ALCAM: variants seen among roughly 807,000 people sequenced by gnomAD.
The protein encoded by ALCAM is CD166 antigen.
In ALCAM, 30 loss-of-function variants were observed where a neutral mutation model predicts 70.9. The ratio of observed to expected loss-of-function variants is 0.42; its 90% CI spans 0.32 to 0.57. The LOEUF is 0.57. Ranked by LOEUF, ALCAM falls within the 20% of genes least tolerant of loss-of-function variation. The pLI is 0.11. For missense variants in ALCAM, 591 were observed against 695.1 expected (o/e 0.85, Z 1.68); for synonymous variants, 249 against 242.5 (o/e 1.03, Z -0.25).
chr3:105,448,951 T>C (rs552479959), intron 1 of ALCAM, among the ~76,000 whole-genome samples: 1 of 152,280 alleles, frequency 6.6e-6, no homozygotes, highest in East Asian at 1.9e-4. Flanking sequence ...TGAGTATAAA[T>C]GAACTGCTTT....
Position 105,396,151 on chromosome 3 carries a change from C to A in ALCAM, c.73+28670C>A, listed in dbSNP as rs528089978. Among the ~76,000 whole-genome samples, 59 of 152,114 alleles carry A rather than the reference C, an allele frequency of 3.9e-4. No individual in the cohort carries two copies. In the South Asian group the frequency reaches 0.012, roughly 32 times the overall value. On this transcript the variant is annotated intron_variant, in intron 1 of 15. Transcript: ENST00000306107. ...ATTAAATTAATATTTATTAGACACT[C>A]ATCATAAGCAAGTTATAACCGTGGT...
At chr3:105,428,173 A>G (rs780339027) in intron 1 of ALCAM, among the ~76,000 whole-genome samples, 1 of 151,986 alleles carries the variant, frequency 6.6e-6, no homozygotes, top group African/African-American at 2.4e-5. Context: ...AGTAAATATT[A>G]TCATGCAATT....
Position 105,367,349 on chromosome 3 carries a change from G to C in ALCAM, c.-60G>C. 4 of 1,584,506 alleles carry C rather than the reference G, an allele frequency of 2.5e-6. No individual in the cohort carries two copies. In the South Asian group the frequency reaches 4.4e-5, roughly 18 times the overall value. On this transcript the variant is annotated 5_prime_UTR_variant, in exon 1 of 16. Transcript: ENST00000306107. ...AGCGCGCGGGCACCGCGGGGCCCGG[G>C]ACGACGCCCCCTCCTGCGGCGTGGA...
chr3:105,557,358 C>G (rs1292751776), intron 14 of ALCAM, among the ~76,000 whole-genome samples: 1 of 152,106 alleles, frequency 6.6e-6, no homozygotes, highest in Non-Finnish European at 1.5e-5. Flanking sequence ...ATGCCAGAGT[C>G]TCCATCTAGT....
At chr3:105,504,739 T>C (rs945828657) in intron 1 of ALCAM, among the ~76,000 whole-genome samples, 6 of 152,150 alleles carry the variant, frequency 3.9e-5, no homozygotes, top group African/African-American at 1.4e-4. Context: ...GATGGGGGCA[T>C]GGCAGGCCAG....
At position 105,534,776 on chromosome 3, in the gene ALCAM, T is replaced by A; in HGVS notation, c.661T>A (p.Ser221Thr). Residue 221 changes from serine to threonine, a missense_variant, in exon 6 of 16, where the codon TCG becomes ACG. Around this residue, in one of 2 missense-constraint regions of ALCAM, gnomAD observed 427 missense variants for 450.4 expected, o/e 0.95. Coordinates refer to ENST00000306107, the MANE Select transcript of ALCAM (RefSeq NM_001627.4). ...KADIQMPFTC[S>T]VTYYGPSGQK... Reference sequence around the variant, plus strand: ...TGACATACAAATGCCATTCACCTGCTCGGTGACATATTATGGACCATCTGG... The same window carrying A: ...TGACATACAAATGCCATTCACCTGCACGGTGACATATTATGGACCATCTGG... 6.2e-7 allele frequency: 1 copy of A among 1,613,772 alleles called. No individual in the cohort carries two copies. Among genetic ancestry groups the A allele is most frequent in the Non-Finnish European group, 8.5e-7 (1 of 1,179,770 alleles).
intron 14 of ALCAM, among the ~76,000 whole-genome samples, chr3:105,555,621 AAAGAT>A (rs1940498390): frequency 6.6e-6 from 1 of 152,024 alleles, no homozygotes; most frequent in South Asian, 2.1e-4. Flanking sequence ...GTCATTGGAG[AAAGAT>A]AAGAGAAACA....
chr3:105,528,343 A>G (rs1038343703), intron 3 of ALCAM, among the ~76,000 whole-genome samples: 1 of 152,176 alleles, frequency 6.6e-6, no homozygotes, highest in Non-Finnish European at 1.5e-5. Context: ...GGGTATTAGA[A>G]CAAAAGGAGC....
chr3:105,486,269 A>G (rs1183606721), intron 1 of ALCAM, among the ~76,000 whole-genome samples: 2 of 152,150 alleles, frequency 1.3e-5, no homozygotes, highest in South Asian at 2.1e-4. Context: ...AGATACTTCT[A>G]AAGTGCAGCT....
intron 1 of ALCAM, among the ~76,000 whole-genome samples, chr3:105,491,954 C>A (rs988348348): frequency 6.6e-6 from 1 of 152,182 alleles, no homozygotes; most frequent in Non-Finnish European, 1.5e-5. Flanking sequence ...CGCCCCACTA[C>A]CCGGTACCAA....
chr3:105,473,563 A>G (rs1006134821), intron 1 of ALCAM, among the ~76,000 whole-genome samples: 7 of 151,646 alleles, frequency 4.6e-5, no homozygotes, highest in Non-Finnish European at 1.0e-4. Flanking sequence ...ACTGGTAAAC[A>G]TAGCTGGATA....
chr3:105,518,602 T>C (rs1576216386), intron 1 of ALCAM, among the ~76,000 whole-genome samples: 1 of 152,172 alleles, frequency 6.6e-6, no homozygotes, highest in African/African-American at 2.4e-5. Flanking sequence ...TACAGTCTTA[T>C]GCTTGGTTTG....
In ALCAM at chr3:105,552,502, A is replaced by G. The variant is rs776561053; in HGVS notation, c.1581A>G (p.Lys527=). The part of the protein sequence containing the change: ...ENREKVNDQA[K]LIVGIVVGLL... ...GAGAAAAGGTGAATGACCAGGCAAA[A>G]CTAATTGTGGGAATCGTTGTTGGTC... is the stretch of plus-strand genomic sequence containing the variant. The change falls in exon 14 of 16, where the codon AAA becomes AAG. Residue 527 remains lysine (K), a synonymous_variant. Coordinates refer to ENST00000306107, the MANE Select transcript of ALCAM (RefSeq NM_001627.4). 9 of 1,611,800 alleles carry G rather than the reference A, an allele frequency of 5.6e-6. No homozygotes were observed. Among genetic ancestry groups the G allele is most frequent in the Non-Finnish European group, 7.6e-6 (9 of 1,178,378 alleles).
intron 14 of ALCAM, among the ~76,000 whole-genome samples, chr3:105,555,851 G>T (rs544814729): frequency 2.6e-5 from 4 of 151,828 alleles, no homozygotes; most frequent in African/African-American, 9.6e-5. Context: ...TGACTTTTTT[G>T]CTGCTTTAAT....
chr3:105,409,328 ATG>A (rs1936328449), intron 1 of ALCAM, among the ~76,000 whole-genome samples: 1 of 87,712 alleles, frequency 1.1e-5, no homozygotes. Flanking sequence ...GATAAAGAAA[ATG>A]TGACATATAT....
intron 3 of ALCAM, among the ~76,000 whole-genome samples, chr3:105,529,510 A>T (rs1317559258): frequency 6.6e-6 from 1 of 152,190 alleles, no homozygotes; most frequent in Non-Finnish European, 1.5e-5. Context: ...TTCAAGATAC[A>T]TAGTTAATAT....
chr3:105,429,126 G>T (rs1031696114), intron 1 of ALCAM, among the ~76,000 whole-genome samples: 1 of 151,784 alleles, frequency 6.6e-6, no homozygotes, highest in African/African-American at 2.4e-5. Flanking sequence ...AATTCCATCT[G>T]CAAAAAATCT....
chr3:105,372,936 T>C (rs75133299), intron 1 of ALCAM, among the ~76,000 whole-genome samples: 2,311 of 152,246 alleles, frequency 0.015, 67 homozygotes, highest in African/African-American at 0.051. Flanking sequence ...ACTATGACCA[T>C]GGCAATTGCT....
intron 1 of ALCAM, among the ~76,000 whole-genome samples, chr3:105,413,082 A>G (rs376748957): frequency 2.0e-5 from 3 of 152,122 alleles, no homozygotes; most frequent in Non-Finnish European, 4.4e-5. Context: ...GTTCTAAACA[A>G]AAGTTCTACC....
Sources: allele counts gnomAD v4.1 joint callset (sites outside exome capture counted in the v4.1 genomes callset), GRCh38; gene constraint gnomAD v4.1.1; regional missense constraint gnomAD v4.1.1; transcripts MANE v1.5; gene names NCBI Gene and HGNC (gene_info 2026-07-23, HGNC 2026-07-21).